The following DAG1 variants were observed in gnomAD, a reference collection of about 807,000 sequenced individuals.
DAG1 encodes the protein dystroglycan 1.
DAG1 carries 8 observed loss-of-function variants against 46.1 expected under a neutral mutation model. That is an observed-to-expected ratio of 0.17 (90% confidence interval 0.10 to 0.31). DAG1 has a LOEUF of 0.31. DAG1 is among the 10% of genes least tolerant of loss of function. DAG1 has a pLI of 1.00. For missense variants in DAG1, 1,003 were observed against 1,189.9 expected, an observed-to-expected ratio of 0.84 and a Z score of 2.31; for synonymous variants, 495 against 481.8, an observed-to-expected ratio of 1.03 and a Z score of -0.36.
At chr3:49,529,096 C>CAGGT (rs1411712226) in intron 2 of DAG1, among the ~76,000 whole-genome samples, 2 of 152,124 alleles carry the variant, frequency 1.3e-5, no homozygotes, top group Non-Finnish European at 2.9e-5. Flanking sequence ...GGTGATCTGC[C>CAGGT]CACCTTGGCC....
At chr3:49,508,402 G>A (rs2107621683) in intron 1 of DAG1, among the ~76,000 whole-genome samples, 1 of 151,404 alleles carries the variant, frequency 6.6e-6, no homozygotes, top group East Asian at 2.0e-4. Context: ...GTATATGTAT[G>A]TATGTGTTGT....
At chr3:49,503,033 T>C (rs141187449) in intron 1 of DAG1, among the ~76,000 whole-genome samples, 1 of 152,358 alleles carries the variant, frequency 6.6e-6, no homozygotes, top group Non-Finnish European at 1.5e-5. Context: ...ATTGATATAT[T>C]TTCCAGTACA....
intron 1 of DAG1, among the ~76,000 whole-genome samples, chr3:49,508,327 G>A (rs1229830827): frequency 6.0e-5 from 9 of 150,812 alleles, no homozygotes; most frequent in African/African-American, 1.9e-4. Flanking sequence ...TCAGCCTCCC[G>A]AGTAGCTGGG....
intron 2 of DAG1, among the ~76,000 whole-genome samples, chr3:49,527,244 G>T (rs1447258703): frequency 6.7e-6 from 1 of 148,650 alleles, no homozygotes; most frequent in African/African-American, 2.5e-5. Context: ...ACGAAAAATT[G>T]CCGGGCGCGG....
Position 49,510,746 on chromosome 3 carries a change from C to T in DAG1, c.212C>T (p.Thr71Met), listed in dbSNP as rs142572135. Residue 71 changes from threonine (T) to methionine (M), a missense_variant, in exon 2 of 3, where the codon ACG (threonine) becomes ATG (methionine). This residue lies in a region of DAG1 where 196 missense variants were observed against 239.1 expected (regional missense o/e 0.82). Transcript: ENST00000308775. ...VPTVVGIPDGTAVVGRSFRVT... is the reference protein window; with the variant it reads ...VPTVVGIPDGMAVVGRSFRVT... ...ACAGTGGTTGGCATTCCTGATGGCA[C>T]GGCTGTCGTCGGGCGCTCATTTCGA... The T allele has an allele frequency of 7.4e-6, 12 of 1,614,046 alleles. No homozygotes were observed. Among genetic ancestry groups the T allele is most frequent in the East Asian group, 6.7e-5 (3 of 44,894 alleles).
intron 1 of DAG1, among the ~76,000 whole-genome samples, chr3:49,503,873 C>T (rs1298233363): frequency 4.0e-5 from 6 of 150,210 alleles, no homozygotes; most frequent in Non-Finnish European, 8.9e-5. Flanking sequence ...TTTTTTGAGA[C>T]AGAGTCTTAC....
chr3:49,509,406 C>A (rs1390545481), intron 1 of DAG1, among the ~76,000 whole-genome samples: 2 of 152,192 alleles, frequency 1.3e-5, no homozygotes, highest in East Asian at 1.9e-4. Context: ...GAGCAAGAAC[C>A]TTCTCTGTCC....
At chr3:49,477,243 C>G (rs772008256) in intron 1 of DAG1, among the ~76,000 whole-genome samples, 1 of 152,014 alleles carries the variant, frequency 6.6e-6, no homozygotes, top group African/African-American at 2.4e-5. Flanking sequence ...GTGATCTGCC[C>G]GCCTCGGCCT....
rs754079735 is a variant in DAG1, at chr3:49,533,087, A to G, written c.2576A>G (p.Asn859Ser). 23 of 1,614,020 alleles carry G rather than the reference A, an allele frequency of 1.4e-5. No individual in the cohort carries two copies. Among genetic ancestry groups the G allele is most frequent in the East Asian group, 4.5e-5 (2 of 44,878 alleles). Residue 859 changes from asparagine (N) to serine (S), a missense_variant, in exon 3 of 3, where the codon AAT (asparagine) becomes AGT (serine). By Grantham distance (46) the Asn-to-Ser change is conservative (BLOSUM62 1). Around this residue, in one of 3 missense-constraint regions of DAG1, gnomAD observed 755 missense variants for 854.1 expected, o/e 0.88. Transcript: ENST00000308775. ...EYTPLRDEDP[N>S]APPYQPPPPF... is the part of the protein sequence containing the mutation. ...ACGCCCCTGCGGGATGAGGATCCCA[A>G]TGCGCCTCCCTACCAGCCCCCACCG...
chr3:49,479,229 A>C (rs1210194612), intron 1 of DAG1, among the ~76,000 whole-genome samples: 2 of 152,116 alleles, frequency 1.3e-5, no homozygotes, highest in African/African-American at 4.8e-5. Flanking sequence ...TCACCTTTCC[A>C]GAGACAGTTG....
At chr3:49,520,237 A>C (rs754066621) in intron 2 of DAG1, among the ~76,000 whole-genome samples, 2 of 152,240 alleles carry the variant, frequency 1.3e-5, no homozygotes, top group Non-Finnish European at 2.9e-5. Context: ...TCATTAGCAG[A>C]AGGCCACAGA....
intron 1 of DAG1, among the ~76,000 whole-genome samples, chr3:49,496,153 T>C (rs921599671): frequency 6.6e-6 from 1 of 152,030 alleles, no homozygotes; most frequent in African/African-American, 2.4e-5. Context: ...TTCTAAAATA[T>C]TGTGGCAAAA....
chr3:49,490,880 CTTTTTTTTTTTT>C (rs972440561), intron 1 of DAG1, among the ~76,000 whole-genome samples: 1 of 87,854 alleles, frequency 1.1e-5, no homozygotes, highest in Admixed American at 1.4e-4. Flanking sequence ...CTCCTAAATT[CTTTTTTTTTTTT>C]TTTTTTTTTT....
chr3:49,471,990 G>T (rs993973290), intron 1 of DAG1, among the ~76,000 whole-genome samples: 1 of 152,158 alleles, frequency 6.6e-6, no homozygotes, highest in African/African-American at 2.4e-5. Context: ...CTGGACACAG[G>T]GAACCACATG....
At chr3:49,491,160 C>T (rs540588842) in intron 1 of DAG1, among the ~76,000 whole-genome samples, 14 of 151,956 alleles carry the variant, frequency 9.2e-5, no homozygotes, top group African/African-American at 2.7e-4. Flanking sequence ...CAGGCGTGAG[C>T]CACCACGCCT....
At chr3:49,530,553 T>A (rs2051310877) in intron 2 of DAG1, among the ~76,000 whole-genome samples, 1 of 152,214 alleles carries the variant, frequency 6.6e-6, no homozygotes, top group Admixed American at 6.5e-5. Flanking sequence ...CCAGCACTGC[T>A]GTCTCCCCAC....
chr3:49,521,856 G>T (rs1559571224), intron 2 of DAG1, among the ~76,000 whole-genome samples: 2 of 142,692 alleles, frequency 1.4e-5, no homozygotes, highest in South Asian at 2.2e-4. Flanking sequence ...TTAGACCTTT[G>T]TTTTTTTTTT....
In DAG1 at chr3:49,532,597, C is replaced by T; in HGVS notation, c.2086C>T (p.Leu696=). 1.2e-6 allele frequency: 2 copies of T among 1,613,014 alleles called. No individual in the cohort carries two copies. The highest frequency in any genetic ancestry group is 2.2e-5 in the East Asian group (1 of 44,862). Reference sequence around the variant, plus strand: ...ACCTCGGCCTGCCTTCTCCAACGCCCTAGAGCCTGACTTTAAGGCCACAAG... The same window carrying T: ...ACCTCGGCCTGCCTTCTCCAACGCCTTAGAGCCTGACTTTAAGGCCACAAG... ...GKPRPAFSNA[L]EPDFKATSIT... The change falls in exon 3 of 3, where the codon CTA becomes TTA. Residue 696 remains leucine (L), a synonymous_variant. Transcript: ENST00000308775. This position sits in a 1 kb window ranked among gnomAD's most constrained non-coding sequence, Gnocchi z 5.4.
chr3:49,511,918 T>C (rs1429576585), intron 2 of DAG1, among the ~76,000 whole-genome samples: 16 of 152,252 alleles, frequency 1.1e-4, no homozygotes, highest in Non-Finnish European at 2.2e-4. Context: ...TATAAATCAA[T>C]GGGCAATAAA....
Sources: allele counts gnomAD v4.1 joint callset (sites outside exome capture counted in the v4.1 genomes callset), GRCh38; gene constraint gnomAD v4.1.1; regional missense constraint gnomAD v4.1.1; non-coding constraint Gnocchi (gnomAD v3.1); transcripts MANE v1.5; gene names NCBI Gene and HGNC (gene_info 2026-07-23, HGNC 2026-07-21).